The following DACH1 variants were observed in gnomAD, a reference collection of about 807,000 sequenced individuals.
DACH1 encodes the protein dachshund homolog 1.
DACH1 carries 12 observed loss-of-function variants against 54.2 expected under a neutral mutation model. The ratio of observed to expected loss-of-function variants is 0.22; its 90% CI spans 0.14 to 0.36. The LOEUF (loss-of-function observed/expected upper bound fraction) is 0.36, where lower values mean the gene tolerates loss of function less well. Ranked by LOEUF, DACH1 falls within the 10% of genes least tolerant of loss-of-function variation. DACH1 has a pLI of 1.00. For missense variants in DACH1, 805 were observed against 929.8 expected, an observed-to-expected ratio of 0.87 and a Z score of 1.75; for synonymous variants, 386 against 366.2, an observed-to-expected ratio of 1.05 and a Z score of -0.62.
intron 1 of DACH1, among the ~76,000 whole-genome samples, chr13:71,802,880 T>C (rs1420995397): frequency 6.6e-6 from 1 of 152,060 alleles, no homozygotes; most frequent in African/African-American, 2.4e-5. Context: ...AACCAAAAAT[T>C]TAGAAACTGT....
chr13:71,635,790 T>C (rs1397509746), intron 2 of DACH1, among the ~76,000 whole-genome samples: 3 of 152,132 alleles, frequency 2.0e-5, no homozygotes, highest in African/African-American at 7.2e-5. Flanking sequence ...TTTTCTTTTC[T>C]TTTCTTTTTT....
intron 1 of DACH1, among the ~76,000 whole-genome samples, chr13:71,791,798 C>T (rs924160154): frequency 2.0e-5 from 3 of 152,194 alleles, no homozygotes; most frequent in African/African-American, 7.2e-5. Context: ...ATTTTGATGA[C>T]TGCCCAACTA....
intron 1 of DACH1, among the ~76,000 whole-genome samples, chr13:71,851,117 G>A (rs1404525937): frequency 6.6e-6 from 1 of 152,162 alleles, no homozygotes; most frequent in Non-Finnish European, 1.5e-5. Context: ...ACATCAGTAA[G>A]AGGAAATATA....
intron 1 of DACH1, among the ~76,000 whole-genome samples, chr13:71,746,055 TAAAAATAC>T (rs1446886682): frequency 6.6e-6 from 1 of 151,930 alleles, no homozygotes; most frequent in Admixed American, 6.6e-5. Flanking sequence ...CCCTCTCTAC[TAAAAATAC>T]AAAAATTAGC....
chr13:71,711,495 C>T (rs777985153), intron 1 of DACH1, among the ~76,000 whole-genome samples: 1 of 152,128 alleles, frequency 6.6e-6, no homozygotes, highest in African/African-American at 2.4e-5. Flanking sequence ...GATTCGGTTA[C>T]TCAAGCAGTC....
intron 1 of DACH1, among the ~76,000 whole-genome samples, chr13:71,775,009 G>A (rs761524577): frequency 1.2e-4 from 18 of 151,932 alleles, no homozygotes; most frequent in South Asian, 8.3e-4. Flanking sequence ...CCCTAGCAGG[G>A]CATAGTGGTT....
intron 6 of DACH1, among the ~76,000 whole-genome samples, chr13:71,498,657 G>GAA (rs57093938): frequency 0.086 from 1,982 of 23,068 alleles, 59 homozygotes; most frequent in African/African-American, 0.1. Context: ...GGGGAAAGAA[G>GAA]AAAAAAAAAA....
chr13:71,634,925 C>T (rs571341002), intron 2 of DACH1, among the ~76,000 whole-genome samples: 1 of 152,280 alleles, frequency 6.6e-6, no homozygotes, highest in South Asian at 2.1e-4. Context: ...TAGAGAAAAA[C>T]AGTCTCTTAA....
chr13:71,744,562 C>T (rs1884530099), intron 1 of DACH1, among the ~76,000 whole-genome samples: 3 of 152,164 alleles, frequency 2.0e-5, no homozygotes, highest in Admixed American at 2.0e-4. Flanking sequence ...CAAACAGACA[C>T]TTCTTACTTC....
chr13:71,517,881 C>T (rs1005935038), intron 6 of DACH1, among the ~76,000 whole-genome samples: 5 of 151,828 alleles, frequency 3.3e-5, no homozygotes, highest in African/African-American at 1.2e-4. Flanking sequence ...ATTAGTCCAA[C>T]CAAAATTCAG....
At chr13:71,470,563 G>A (rs1445483768) in intron 10 of DACH1, among the ~76,000 whole-genome samples, 8 of 151,938 alleles carry the variant, frequency 5.3e-5, no homozygotes, top group Non-Finnish European at 7.4e-5. Flanking sequence ...TCCTGACCTT[G>A]GGATCCGCCC....
chr13:71,484,922 G>T (rs1224634812), intron 7 of DACH1, among the ~76,000 whole-genome samples: 1 of 152,034 alleles, frequency 6.6e-6, no homozygotes, highest in African/African-American at 2.4e-5. Context: ...AAAATTGCCA[G>T]GTTTGGTGGT....
At position 71,561,484 on chromosome 13, in the gene DACH1, G is replaced by T. The variant is rs151170682; in HGVS notation, c.1300-1529C>A. Among the ~76,000 whole-genome samples, 735 of 152,270 alleles carry T rather than the reference G, an allele frequency of 4.8e-3. 4 individuals are homozygous for T. Among genetic ancestry groups the T allele is most frequent in the South Asian group, 0.013 (63 of 4,822 alleles). The stretch of plus-strand genomic sequence containing the variant: ...TAGAGGAAGAGATTAAACTTGTGCA[G>T]CTTCAAGCCAGGGAATGGCAAGGAT... On this transcript the variant is annotated intron_variant, in intron 4 of 10. Transcript: ENST00000613252.
At position 71,439,355 on chromosome 13, in the gene DACH1, C is replaced by T. The variant is rs1001038968; in HGVS notation, c.*1300G>A. ...ATCTGCACGAAAGTGAAAACACATA[C>T]TGTAACTTTCAAAAAGACAGTGAAA... On this transcript the variant is annotated 3_prime_UTR_variant, in exon 11 of 11. Transcript: ENST00000613252. 7 of 152,438 alleles carry T rather than the reference C, an allele frequency of 4.6e-5. No homozygotes were observed. The highest frequency in any genetic ancestry group is 1.7e-4 in the African/African-American group (7 of 41,430). 9.4% of individuals were successfully genotyped at this position (152,438 alleles called of 1,614,324 possible). A position where few individuals can be genotyped will look rare whatever the true frequency, so the allele number is the denominator to read the frequency against.
chr13:71,767,163 A>G (rs1885670244), intron 1 of DACH1, among the ~76,000 whole-genome samples: 1 of 151,950 alleles, frequency 6.6e-6, no homozygotes, highest in South Asian at 2.1e-4. Context: ...TTATCAATAA[A>G]TTAAGTTAAT....
chr13:71,735,275 TATGTATATGG>T (rs1441810632), intron 1 of DACH1, among the ~76,000 whole-genome samples: 12 of 36,008 alleles, frequency 3.3e-4, no homozygotes, highest in Non-Finnish European at 1.9e-3. Context: ...GGGATACACG[TATGTATATGG>T]GATATACACG....
chr13:71,741,844 A>G (rs1884401349), intron 1 of DACH1, among the ~76,000 whole-genome samples: 1 of 152,202 alleles, frequency 6.6e-6, no homozygotes, highest in Non-Finnish European at 1.5e-5. Context: ...AAATAACCCC[A>G]TCTTTCAGAA....
intron 6 of DACH1, among the ~76,000 whole-genome samples, chr13:71,510,575 T>C (rs1013945172): frequency 6.6e-6 from 1 of 152,062 alleles, no homozygotes; most frequent in Non-Finnish European, 1.5e-5. Context: ...TCCAAATTTG[T>C]GTGCAACTAT....
At chr13:71,660,761 A>AT (rs1161319361) in intron 2 of DACH1, among the ~76,000 whole-genome samples, 2 of 151,972 alleles carry the variant, frequency 1.3e-5, no homozygotes. Context: ...TATGTTAGGA[A>AT]TTATAGTTAA....
Sources: gnomAD v4.1 joint callset for allele counts (sites outside exome capture counted in the v4.1 genomes callset) on GRCh38, gnomAD v4.1.1 for gene constraint, MANE v1.5 for transcripts, NCBI Gene and HGNC (gene_info 2026-07-23, HGNC 2026-07-21) for gene names.